The following ANKS1B variants were observed in gnomAD, a reference collection of about 807,000 sequenced individuals.
ANKS1B encodes the protein ankyrin repeat and sterile alpha motif domain-containing protein 1B.
Under a neutral mutation model 148.3 loss-of-function variants are expected in ANKS1B, and 36 were observed. The observed-to-expected ratio is 0.24, with a 90% CI of 0.19 to 0.32. The LOEUF (loss-of-function observed/expected upper bound fraction) is 0.32, where lower values mean the gene tolerates loss of function less well. ANKS1B is among the 10% of genes least tolerant of loss of function. The probability of loss-of-function intolerance (pLI) is 1.00; values close to 1 mark genes in which losing one functional copy is unlikely to be tolerated. For synonymous variants in ANKS1B, 542 were observed against 560.8 expected (o/e 0.97, Z 0.47); for missense variants, 1,157 against 1,542.6 (o/e 0.75, Z 4.19).
intron 1 of ANKS1B, among the ~76,000 whole-genome samples, chr12:99,981,927 C>G (rs183132627): frequency 2.6e-5 from 4 of 152,024 alleles, no homozygotes; most frequent in Admixed American, 1.3e-4. Context: ...CATTATCCTG[C>G]CAATAAATTT....
intron 17 of ANKS1B, among the ~76,000 whole-genome samples, chr12:99,037,462 G>A (rs926910513): frequency 5.9e-5 from 9 of 151,522 alleles, no homozygotes; most frequent in South Asian, 4.2e-4. Flanking sequence ...CCGAGATAGC[G>A]CTGCTGCACA....
chr12:99,360,570 C>G (rs2092385748), intron 12 of ANKS1B, among the ~76,000 whole-genome samples: 1 of 152,026 alleles, frequency 6.6e-6, no homozygotes, highest in Admixed American at 6.6e-5. Context: ...GTGAAAGAGA[C>G]AGTGTGGTAA....
chr12:98,865,803 G>C (rs1001135344), intron 17 of ANKS1B, among the ~76,000 whole-genome samples: 2 of 152,024 alleles, frequency 1.3e-5, no homozygotes, highest in African/African-American at 4.8e-5. Context: ...TGGTATAGAG[G>C]GCCTGTCTTA....
intron 1 of ANKS1B, among the ~76,000 whole-genome samples, chr12:99,964,906 G>A (rs969793528): frequency 7.9e-5 from 12 of 152,132 alleles, no homozygotes; most frequent in African/African-American, 2.7e-4. Context: ...ATAGTGGAGA[G>A]GAGATTGATA....
intron 9 of ANKS1B, among the ~76,000 whole-genome samples, chr12:99,568,931 A>G (rs1467443842): frequency 6.6e-6 from 1 of 152,244 alleles, no homozygotes; most frequent in Non-Finnish European, 1.5e-5. Context: ...TAGGAATAAT[A>G]GTTACAATGA....
chr12:99,648,674 A>G (rs1290902757), intron 9 of ANKS1B: 9 of 1,614,138 alleles, frequency 5.6e-6, no homozygotes, highest in Non-Finnish European at 6.8e-6. Context: ...GTTCACTGGG[A>G]AAACCTTGTT....
intron 1 of ANKS1B, among the ~76,000 whole-genome samples, chr12:99,837,883 A>T (rs992707490): frequency 1.3e-5 from 2 of 150,634 alleles, no homozygotes; most frequent in Admixed American, 6.6e-5. Flanking sequence ...TCACCCAAAT[A>T]ATTACATTGT....
chr12:99,680,493 G>A (rs2098608044), intron 8 of ANKS1B, among the ~76,000 whole-genome samples: 2 of 152,098 alleles, frequency 1.3e-5, no homozygotes, highest in African/African-American at 4.8e-5. Flanking sequence ...TCTCAGGGGA[G>A]CCATTTCTGA....
chr12:99,511,718 T>C (rs543984070), intron 9 of ANKS1B, among the ~76,000 whole-genome samples: 6 of 151,970 alleles, frequency 3.9e-5, no homozygotes, highest in Non-Finnish European at 8.8e-5. Context: ...AACAGACACA[T>C]AGACCAATGG....
chr12:98,768,514 C>G (rs1321926579), intron 25 of ANKS1B, among the ~76,000 whole-genome samples: 1 of 147,322 alleles, frequency 6.8e-6, no homozygotes, highest in African/African-American at 2.5e-5. Context: ...GCGGGCGGAT[C>G]ACAAGGTCGG....
At chr12:99,234,543 C>T (rs1468249200) in intron 14 of ANKS1B, among the ~76,000 whole-genome samples, 2 of 152,162 alleles carry the variant, frequency 1.3e-5, no homozygotes, top group East Asian at 3.9e-4. Flanking sequence ...GGTATGACCA[C>T]AGCAGCAAAC....
At chr12:98,906,522 C>T (rs2099779321) in intron 17 of ANKS1B, among the ~76,000 whole-genome samples, 1 of 152,144 alleles carries the variant, frequency 6.6e-6, no homozygotes, top group African/African-American at 2.4e-5. Context: ...GAGGAGGAGT[C>T]CGTGTCTCTG....
At chr12:99,712,436 T>C (rs930536349) in intron 8 of ANKS1B, among the ~76,000 whole-genome samples, 2 of 152,130 alleles carry the variant, frequency 1.3e-5, no homozygotes, top group South Asian at 4.1e-4. Context: ...ATAGACCCAA[T>C]GTAATCACAA....
intron 8 of ANKS1B, among the ~76,000 whole-genome samples, chr12:99,764,010 T>C (rs541236231): frequency 1.3e-5 from 2 of 152,354 alleles, no homozygotes; most frequent in African/African-American, 4.8e-5. Flanking sequence ...ATTCATTATT[T>C]GAAAAATCAC....
Position 99,922,172 on chromosome 12 carries a change from C to A in ANKS1B, c.134+61932G>T, listed in dbSNP as rs920303518. ...ATTTAAAACAGTGCCTGACACATAG[C>A]AAAATCTAAATAAGTGGTACTTATT... On this transcript the variant is annotated intron_variant, in intron 1 of 26. Coordinates refer to ENST00000683438, the MANE Select transcript of ANKS1B (RefSeq NM_001352186.2). Among the ~76,000 whole-genome samples the A allele has an allele frequency of 9.9e-5, 15 of 152,182 alleles. 1 individual carries two copies. The highest frequency in any genetic ancestry group is 3.6e-4 in the African/African-American group (15 of 41,542).
chr12:99,871,866 T>A (rs2091558690), intron 1 of ANKS1B, among the ~76,000 whole-genome samples: 1 of 152,158 alleles, frequency 6.6e-6, no homozygotes, highest in Non-Finnish European at 1.5e-5. Context: ...GGAGAGACAG[T>A]TTGACTTCTT....
intron 15 of ANKS1B, among the ~76,000 whole-genome samples, chr12:99,120,614 T>C (rs1386851999): frequency 6.6e-6 from 1 of 152,186 alleles, no homozygotes; most frequent in Non-Finnish European, 1.5e-5. Context: ...AGAAATATTA[T>C]CAAGTCACAA....
intron 14 of ANKS1B, among the ~76,000 whole-genome samples, chr12:99,161,253 T>C (rs540061738): frequency 1.9e-4 from 29 of 152,252 alleles, no homozygotes; most frequent in South Asian, 1.9e-3. Flanking sequence ...TCAAAATCAA[T>C]GGAGGTTACA....
intron 17 of ANKS1B, among the ~76,000 whole-genome samples, chr12:98,871,947 T>C (rs772056532): frequency 2.0e-5 from 3 of 152,170 alleles, no homozygotes; most frequent in African/African-American, 7.2e-5. Context: ...ACGAGCTCTA[T>C]AATATTTTCA....
Sources: allele counts gnomAD v4.1 joint callset (sites outside exome capture counted in the v4.1 genomes callset), GRCh38; gene constraint gnomAD v4.1.1; transcripts MANE v1.5; gene names NCBI Gene and HGNC (gene_info 2026-07-23, HGNC 2026-07-21).